Variants in SEMA6D observed in about 807,000 individuals in gnomAD.
SEMA6D encodes the protein semaphorin 6D, also known as semaphorin-6D.
Under a neutral mutation model 106.6 loss-of-function variants are expected in SEMA6D, and 35 were observed. That is an observed-to-expected ratio of 0.33 (90% CI 0.25 to 0.44). The LOEUF is 0.44. Among genes scored for constraint, SEMA6D ranks in the 20% least tolerant of loss-of-function variants. SEMA6D has a pLI of 1.00. For missense variants in SEMA6D, 1,185 were observed against 1,345.9 expected (o/e 0.88, Z 1.87); for synonymous variants, 499 against 487.7 (o/e 1.02, Z -0.31).
rs1170766897 is a variant in SEMA6D at position 47,667,583 on chromosome 15, T to C, written c.-55+66687T>C. Among the ~76,000 whole-genome samples the C allele has an allele frequency of 2.6e-5, 4 of 152,162 alleles. No individual in the cohort carries two copies. The East Asian group carries it at 7.7e-4, about 29-fold the overall frequency. On this transcript the variant is annotated intron_variant, in intron 4 of 19. Coordinates refer to the SEMA6D transcript ENST00000558014. The stretch of plus-strand genomic sequence containing the variant: ...TGAGTAGCTTATAAACAATAGAAAT[T>C]TATTTCTCACAGTTGCAGAGGCTGG...
chr15:47,601,056 C>T (rs1244618049), intron 4 of SEMA6D, among the ~76,000 whole-genome samples: 2 of 151,648 alleles, frequency 1.3e-5, no homozygotes, highest in East Asian at 1.9e-4. Context: ...ATGAATATTG[C>T]TTGACTAAGT....
At chr15:47,611,418 G>A (rs10851456) in intron 4 of SEMA6D, among the ~76,000 whole-genome samples, 63,875 of 152,052 alleles carry the variant, frequency 0.42, 14,927 homozygotes, top group South Asian at 0.53. Flanking sequence ...CAATTTTTAA[G>A]ATTTGGGAAA....
At chr15:47,739,597 G>T (rs557571268) in intron 1 of SEMA6D, among the ~76,000 whole-genome samples, 1 of 152,352 alleles carries the variant, frequency 6.6e-6, no homozygotes, top group Admixed American at 6.5e-5. Context: ...CTGGCAAGAT[G>T]CTTAACTTCT....
chr15:47,661,095 G>T (rs1445552947), intron 4 of SEMA6D, among the ~76,000 whole-genome samples: 1 of 152,152 alleles, frequency 6.6e-6, no homozygotes, highest in African/African-American at 2.4e-5. Context: ...ATACCACCTT[G>T]TTTCTTGCAC....
At chr15:47,458,082 A>G (rs1335374595) in intron 2 of SEMA6D, among the ~76,000 whole-genome samples, 2 of 151,970 alleles carry the variant, frequency 1.3e-5, no homozygotes, top group Non-Finnish European at 2.9e-5. Flanking sequence ...AAAATACGAA[A>G]TGTTTCAGAC....
At chr15:47,694,412 A>G (rs1350802196) in intron 4 of SEMA6D, among the ~76,000 whole-genome samples, 1 of 152,082 alleles carries the variant, frequency 6.6e-6, no homozygotes, top group African/African-American at 2.4e-5. Flanking sequence ...TAAGCACCCC[A>G]ATTTGAGAAC....
intron 1 of SEMA6D, among the ~76,000 whole-genome samples, chr15:47,375,461 A>G (rs1172361105): frequency 6.6e-6 from 1 of 151,706 alleles, no homozygotes; most frequent in African/African-American, 2.4e-5. Flanking sequence ...TGGTATGCTT[A>G]TTTACATCAA....
intron 3 of SEMA6D, among the ~76,000 whole-genome samples, chr15:47,570,507 T>C (rs369646092): frequency 6.6e-6 from 1 of 152,350 alleles, no homozygotes; most frequent in East Asian, 1.9e-4. Flanking sequence ...TATCTTTGAC[T>C]GAAAAAGAAG....
intron 3 of SEMA6D, among the ~76,000 whole-genome samples, chr15:47,496,146 CTG>C (rs2043649601): frequency 1.3e-5 from 2 of 152,026 alleles, no homozygotes; most frequent in Non-Finnish European, 2.9e-5. Flanking sequence ...TAATGGAACA[CTG>C]GAGCTAATTT....
intron 4 of SEMA6D, among the ~76,000 whole-genome samples, chr15:47,652,520 G>A (rs73392839): frequency 0.034 from 5,209 of 152,154 alleles, 295 homozygotes; most frequent in African/African-American, 0.12. Flanking sequence ...CCAATTTCCC[G>A]AGAGTGTTAA....
chr15:47,190,081 C>A (rs879826991), intron 1 of SEMA6D, among the ~76,000 whole-genome samples: 11 of 152,178 alleles, frequency 7.2e-5, no homozygotes, highest in Non-Finnish European at 1.5e-4. Context: ...TGATTCTCTT[C>A]ACTTTTTCAC....
chr15:47,489,103 A>T (rs182272629), intron 3 of SEMA6D, among the ~76,000 whole-genome samples: 5 of 152,146 alleles, frequency 3.3e-5, no homozygotes, highest in Non-Finnish European at 7.4e-5. Context: ...GTGGGCCCTA[A>T]ATCCAATGAG....
chr15:47,409,971 G>C (rs2040731937), intron 1 of SEMA6D, among the ~76,000 whole-genome samples: 1 of 152,062 alleles, frequency 6.6e-6, no homozygotes, highest in Admixed American at 6.6e-5. Context: ...CTGAAAGTCG[G>C]TGTTAGAACC....
chr15:47,298,783 G>A (rs568778713), intron 1 of SEMA6D, among the ~76,000 whole-genome samples: 4 of 152,216 alleles, frequency 2.6e-5, no homozygotes, highest in African/African-American at 9.6e-5. Flanking sequence ...TCTGGGCCCA[G>A]CTTCTCCAGC....
chr15:47,469,761 A>G (rs1286206123), intron 2 of SEMA6D, among the ~76,000 whole-genome samples: 1 of 152,090 alleles, frequency 6.6e-6, no homozygotes, highest in East Asian at 1.9e-4. Flanking sequence ...TGAAAATTCT[A>G]TTTCCCAAAC....
At chr15:47,403,952 G>C (rs1268964143) in intron 1 of SEMA6D, among the ~76,000 whole-genome samples, 1 of 152,092 alleles carries the variant, frequency 6.6e-6, no homozygotes, top group African/African-American at 2.4e-5. Flanking sequence ...TAAAAGATTC[G>C]GGATGAGAAG....
At chr15:47,744,038 A>G (rs1424540616) in intron 1 of SEMA6D, among the ~76,000 whole-genome samples, 1 of 152,150 alleles carries the variant, frequency 6.6e-6, no homozygotes, top group Admixed American at 6.5e-5. Flanking sequence ...AAAAGCATCT[A>G]TTTACTAATT....
intron 3 of SEMA6D, among the ~76,000 whole-genome samples, chr15:47,542,587 A>G (rs1330410447): frequency 1.3e-5 from 2 of 152,162 alleles, no homozygotes; most frequent in Non-Finnish European, 2.9e-5. Flanking sequence ...AGGTTTCAGT[A>G]TTCCTACTTT....
intron 1 of SEMA6D, among the ~76,000 whole-genome samples, chr15:47,267,408 T>A (rs2034368910): frequency 6.6e-6 from 1 of 151,994 alleles, no homozygotes; most frequent in South Asian, 2.1e-4. Flanking sequence ...ATATATTAAC[T>A]TTGACTGTTT....
Sources: allele counts gnomAD v4.1 joint callset (sites outside exome capture counted in the v4.1 genomes callset), GRCh38; gene constraint gnomAD v4.1.1; transcripts MANE v1.5; gene names NCBI Gene and HGNC (gene_info 2026-07-23, HGNC 2026-07-21).